SIGLEC8: variants seen among roughly 807,000 people sequenced by gnomAD.
SIGLEC8 encodes the protein sialic acid-binding Ig-like lectin 8.
SIGLEC8 carries 32 observed loss-of-function variants against 42.1 expected under a neutral mutation model. The ratio of observed to expected loss-of-function variants is 0.76; its 90% confidence interval spans 0.57 to 1.02. SIGLEC8 has a LOEUF of 1.02. Ranked by LOEUF, SIGLEC8 falls within the 50% of genes least tolerant of loss-of-function variation. The pLI is 0.00. For synonymous variants in SIGLEC8, 262 were observed against 260.3 expected (o/e 1.01, Z -0.06); for missense variants, 611 against 610.2 (o/e 1.00, Z -0.01).
In SIGLEC8 at chr19:51,452,199, T is replaced by C. The variant is rs927800634; in HGVS notation, c.*180A>G. ...CCTCATCTCTATGTGGAATCTAAAA[T>C]AGTCAACCTCAGAGAGGTCGAGAGG... On this transcript the variant is annotated 3_prime_UTR_variant, in exon 7 of 7. Coordinates refer to ENST00000321424, the MANE Select transcript of SIGLEC8 (RefSeq NM_014442.3). 9 of 474,570 alleles carry C rather than the reference T, an allele frequency of 1.9e-5. No individual in the cohort carries two copies. Among genetic ancestry groups the C allele is most frequent in the Admixed American group, 3.6e-5 (1 of 27,792 alleles). The allele number at this position is 474,570 out of a possible 1,614,324, so 29.4% of individuals were successfully genotyped here.
In SIGLEC8 at chr19:51,452,460, G is replaced by A. The variant is rs748042273; in HGVS notation, c.1419C>T (p.Ile473=). ...QEATDSEYSE[I]KIHKRETAET... is the part of the protein sequence containing the mutation. The stretch of plus-strand genomic sequence containing the variant: ...CTGCAGTTTCTCGCTTGTGGATCTT[G>A]ATCTCCGAGTATTCACTGTCAGTGG... Residue 473 remains isoleucine (I), a synonymous_variant, in exon 7 of 7, where the codon ATC becomes ATT. Transcript: ENST00000321424. 1 of 1,612,916 alleles carries A rather than the reference G, an allele frequency of 6.2e-7. No homozygotes were observed. The highest frequency in any genetic ancestry group is 1.1e-5 in the South Asian group (1 of 91,036).
intron 3 of SIGLEC8, 145 bp downstream of exon 3, chr19:51,457,039 G>A (rs1033827082): frequency 3.9e-6 from 3 of 768,508 alleles, no homozygotes; most frequent in Admixed American, 3.6e-5. Flanking sequence ...GGTCACGCGG[G>A]CTGGAGATGT....
At chr19:51,456,529 G>A (rs2122149111) in intron 3 of SIGLEC8, among the ~76,000 whole-genome samples, 1 of 152,342 alleles carries the variant, frequency 6.6e-6, no homozygotes, top group South Asian at 2.1e-4. Context: ...TCTGCGGAAG[G>A]ATATTTGTGC....
chr19:51,453,209 C>G (rs1386393656), intron 6 of SIGLEC8, among the ~76,000 whole-genome samples: 1 of 152,062 alleles, frequency 6.6e-6, no homozygotes, highest in Admixed American at 6.6e-5. Context: ...CCATCTCAGC[C>G]CCCCAAGTAG....
intron 6 of SIGLEC8, 32 bp from the exon 7 acceptor site, chr19:51,452,665 G>A: frequency 4.8e-6 from 7 of 1,467,286 alleles, no homozygotes; most frequent in Non-Finnish European, 6.3e-6. Context: ...AGTCAGAACA[G>A]AGCAGTGGGG....
In SIGLEC8 at chr19:51,452,385, T is replaced by C. The variant is rs1183400584; in HGVS notation, c.1494A>G (p.Arg498=). 3 of 1,598,856 alleles carry C rather than the reference T, an allele frequency of 1.9e-6. No homozygotes were observed. In the Admixed American group the frequency reaches 5.0e-5, roughly 27 times the overall value. ...RNHNPSSKEV[R]G is the part of the protein sequence containing the mutation. The stretch of plus-strand genomic sequence containing the variant: ...GGTTCTTGTTCTATGAGAATCAGCC[T>C]CTGACTTCTTTGCTGGAGGGGTTGT... The change falls in exon 7 of 7, where the codon AGA becomes AGG. Residue 498 remains arginine (R), a synonymous_variant. Coordinates refer to ENST00000321424, the MANE Select transcript of SIGLEC8 (RefSeq NM_014442.3).
rs776289991 is a variant in SIGLEC8, at chr19:51,455,497, C to G, written c.972G>C (p.Gly324=). 7.4e-6 allele frequency: 12 copies of G among 1,613,992 alleles called. No individual in the cohort carries two copies. In the East Asian group the frequency reaches 2.7e-4, roughly 36 times the overall value. Residue 324 remains glycine (G), a synonymous_variant, in exon 4 of 7, where the codon GGG becomes GGC. Coordinates refer to ENST00000321424, the MANE Select transcript of SIGLEC8 (RefSeq NM_014442.3). ...ELPRVHVRDE[G]EFTCRAQNAQ... ...CGTTCTGAGCTCGGCAGGTGAATTC[C>G]CCTTCATCCCTCACGTGCACTCGAG...
At chr19:51,456,582 G>A (rs1265922137) in intron 3 of SIGLEC8, among the ~76,000 whole-genome samples, 1 of 152,202 alleles carries the variant, frequency 6.6e-6, no homozygotes, top group Non-Finnish European at 1.5e-5. Context: ...GAGTCCATCT[G>A]TGCAGTGAAA....
In SIGLEC8 at chr19:51,451,726, G is replaced by A. The variant is rs1446420247; in HGVS notation, c.*653C>T. On this transcript the variant is annotated 3_prime_UTR_variant, in exon 7 of 7. Coordinates refer to ENST00000321424, the MANE Select transcript of SIGLEC8 (RefSeq NM_014442.3). ...TGTGCAAATATTTATCTGTTTTTGTGAGACCATTTAAAATCTTCTTTTAGC... is the reference window on the plus strand; with the variant it reads ...TGTGCAAATATTTATCTGTTTTTGTAAGACCATTTAAAATCTTCTTTTAGC... 1 of 152,198 alleles carries A rather than the reference G, an allele frequency of 6.6e-6. No individual in the cohort carries two copies. The highest frequency in any genetic ancestry group is 2.4e-5 in the African/African-American group (1 of 41,450). 9.4% of individuals were successfully genotyped at this position (152,198 alleles called of 1,614,324 possible). A position where few individuals can be genotyped will look rare whatever the true frequency, so the allele number is the denominator to read the frequency against.
intron 3 of SIGLEC8, among the ~76,000 whole-genome samples, chr19:51,456,665 G>T (rs1989499734): frequency 6.6e-6 from 1 of 152,194 alleles, no homozygotes; most frequent in Non-Finnish European, 1.5e-5. Flanking sequence ...TCCTCCAGGT[G>T]CACAAACCAA....
At position 51,456,317 on chromosome 19, in the gene SIGLEC8, CACAG is replaced by C. The variant is rs1382258918; in HGVS notation, c.782-634_782-631del. ...AAGAGACTAGTGAGAGGGACTGACA[CACAG>C]ACATAGACTGAAGTGCAGGAAAACG... On this transcript the variant is annotated intron_variant, in intron 3 of 6. Transcript: ENST00000321424. Among the ~76,000 whole-genome samples the C allele has an allele frequency of 1.5e-4, 23 of 152,268 alleles. No homozygotes were observed. The South Asian group carries it at 3.5e-3, about 23-fold the overall frequency.
In SIGLEC8 at chr19:51,452,336, A is replaced by T; in HGVS notation, c.*43T>A. On this transcript the variant is annotated 3_prime_UTR_variant, in exon 7 of 7. Coordinates refer to ENST00000321424, the MANE Select transcript of SIGLEC8 (RefSeq NM_014442.3). ...CAGGAGGAGGGAGCCCTGGTGACCT[A>T]CTGCATAGCATGGGGCTCTAGAGGG... The T allele has an allele frequency of 6.6e-7, 1 of 1,509,742 alleles. No homozygotes were observed. The highest frequency in any genetic ancestry group is 9.0e-7 in the Non-Finnish European group (1 of 1,112,414). 93.5% of individuals were successfully genotyped at this position (1,509,742 alleles called of 1,614,324 possible).
Position 51,454,448 on chromosome 19 carries a change from A to C in SIGLEC8, c.1149-133T>G. On this transcript the variant is annotated intron_variant, in intron 5 of 6. Transcript: ENST00000321424. This position sits in a 1 kb window ranked among gnomAD's most constrained non-coding sequence, Gnocchi z 4.7. The stretch of plus-strand genomic sequence containing the variant: ...CGCAACGGCGGTGGTCCAGTTCCAG[A>C]GACCCCAACGGTGAAAACAGAGGCT... The C allele has an allele frequency of 6.6e-7, 1 of 1,521,114 alleles. No individual in the cohort carries two copies. The highest frequency in any genetic ancestry group is 8.9e-7 in the Non-Finnish European group (1 of 1,117,534). The allele number at this position is 1,521,114 out of a possible 1,614,324, so 94.2% of individuals were successfully genotyped here. A position where few individuals can be genotyped will look rare whatever the true frequency, so the allele number is the denominator to read the frequency against.
intron 3 of SIGLEC8, among the ~76,000 whole-genome samples, chr19:51,456,189 G>A (rs1008543912): frequency 3.3e-5 from 5 of 151,954 alleles, no homozygotes; most frequent in African/African-American, 1.2e-4. Context: ...TGCACGTTGT[G>A]CACATGTATC....
chr19:51,455,341 T>A, intron 4 of SIGLEC8, 77 bp downstream of exon 4: 1 of 1,556,004 alleles, frequency 6.4e-7, no homozygotes, highest in African/African-American at 1.4e-5. Flanking sequence ...GAGCTCCCCC[T>A]TGAAGCTCAG....
chr19:51,455,790 G>C (rs1989476828), intron 3 of SIGLEC8, 103 bp from the exon 4 acceptor site: 3 of 1,083,096 alleles, frequency 2.8e-6, no homozygotes. Flanking sequence ...GTTTATTGTG[G>C]CACTATTCAC....
In SIGLEC8 at chr19:51,458,349, C is replaced by T; in HGVS notation, c.39G>A (p.Gly13=). 1.2e-6 allele frequency: 2 copies of T among 1,613,806 alleles called. No homozygotes were observed. Among genetic ancestry groups the T allele is most frequent in the African/African-American group, 2.7e-5 (2 of 75,036 alleles). Residue 13 remains glycine (G), a synonymous_variant, in exon 1 of 7, where the codon GGG becomes GGA. Transcript: ENST00000321424. ...GTCTGTCTCCCTCCATCCCCTTTGT[C>T]CCCCAGAGCAGGGGCAGCAGCAGCA... The part of the protein sequence containing the change: ...LLLLLLPLLW[G]TKGMEGDRQY...
At position 51,454,058 on chromosome 19, in the gene SIGLEC8, T is replaced by G. The variant is rs1296796086; in HGVS notation, c.1245+161A>C. The G allele has an allele frequency of 1.0e-6, 1 of 985,168 alleles. No homozygotes were observed. Among genetic ancestry groups the G allele is most frequent in the Non-Finnish European group, 1.2e-6 (1 of 829,886 alleles). The allele number at this position is 985,168 out of a possible 1,614,324, so 61.0% of individuals were successfully genotyped here. On this transcript the variant is annotated intron_variant, in intron 6 of 6. Coordinates refer to ENST00000321424, the MANE Select transcript of SIGLEC8 (RefSeq NM_014442.3). This position sits in a 1 kb window ranked among gnomAD's most constrained non-coding sequence, Gnocchi z 4.7. ...GAAAAATTGGGGGTAGGGACTGCCA[T>G]GCTGTCAGCAAGATGGGGGAGTCCT... is the stretch of plus-strand genomic sequence containing the variant.
In SIGLEC8 at chr19:51,451,714, ATC is replaced by A. The variant is rs1416938790; in HGVS notation, c.*663_*664del. 2 of 152,244 alleles carry A rather than the reference ATC, an allele frequency of 1.3e-5. No homozygotes were observed. Among genetic ancestry groups the A allele is most frequent in the African/African-American group, 4.8e-5 (2 of 41,470 alleles). 9.4% of individuals were successfully genotyped at this position (152,244 alleles called of 1,614,324 possible). ...AGCACACCCATCTGTGCAAATATTT[ATC>A]TGTTTTTGTGAGACCATTTAAAATC... is the stretch of plus-strand genomic sequence containing the variant. On this transcript the variant is annotated 3_prime_UTR_variant, in exon 7 of 7. Transcript: ENST00000321424.
Sources: allele counts gnomAD v4.1 joint callset (sites outside exome capture counted in the v4.1 genomes callset), GRCh38; gene constraint gnomAD v4.1.1; non-coding constraint Gnocchi (gnomAD v3.1); transcripts MANE v1.5; gene names NCBI Gene and HGNC (gene_info 2026-07-23, HGNC 2026-07-21).